KLHL34: variants seen among roughly 807,000 people sequenced by gnomAD.
The protein encoded by KLHL34 is kelch like family member 34, also known as kelch-like protein 34.
KLHL34 carries 24 observed loss-of-function variants against 23.8 expected under a neutral mutation model. The observed-to-expected ratio is 1.01, with a 90% CI of 0.73 to 1.42. The LOEUF is 1.42. Ranked by LOEUF, KLHL34 falls within the 40% of genes most tolerant of loss-of-function variation. KLHL34 has a pLI of 0.00. For synonymous variants in KLHL34, 303 were observed against 287.9 expected (o/e 1.05, Z -0.53); for missense variants, 652 against 595.1 (o/e 1.10, Z -0.99).
rs1174885398 is a variant in KLHL34 at position 21,657,409 on chromosome X, G to A, written c.380C>T (p.Ala127Val). 1.7e-6 allele frequency: 2 copies of A among 1,182,514 alleles called. No individual in the cohort carries two copies. The highest frequency in any genetic ancestry group is 1.1e-6 in the Non-Finnish European group (1 of 881,309). Residue 127 changes from alanine to valine, a missense_variant, in exon 1 of 1, where the codon GCT becomes GTT. Physicochemically the swap from Ala to Val is moderately conservative, Grantham distance 64 (BLOSUM62 0). Coordinates refer to ENST00000379499, the MANE Select transcript of KLHL34 (RefSeq NM_153270.3). ...GGCGGCGAAGCAGCAGTTCTCTGGA[G>A]CCAGCTGGCGCTCCAAGTAGCGCCC... ...LCGRYLERQL[A>V]PENCCFAANV...
chrX:21,656,073 T>G lies in KLHL34; in HGVS notation c.1716A>C (p.Thr572=). Residue 572 remains threonine (T), a synonymous_variant, in exon 1 of 1, where the codon ACA becomes ACC. Transcript: ENST00000379499. ...ACTTGAGGCCGCCCAGCAGCAACGCTGTCTCCTCGACCACGGCCAGCCCAT... is the reference window on the plus strand; with the variant it reads ...ACTTGAGGCCGCCCAGCAGCAACGCGGTCTCCTCGACCACGGCCAGCCCAT... ...FCYGLAVVEE[T]ALLLGGLKWR... 1.1e-5 allele frequency: 13 copies of G among 1,193,425 alleles called. No individual in the cohort carries two copies. The highest frequency in any genetic ancestry group is 1.5e-5 in the Non-Finnish European group (13 of 885,444).
Position 21,655,391 on chromosome X carries a change from C to T in KLHL34, c.*463G>A, listed in dbSNP as rs1372159603. On this transcript the variant is annotated 3_prime_UTR_variant, in exon 1 of 1. Coordinates refer to ENST00000379499, the MANE Select transcript of KLHL34 (RefSeq NM_153270.3). ...ACTATTTATTCAGATAATGCCATCT[C>T]CTAGGACTTAATTACAGCCTTTATA... 8.9e-6 allele frequency: 1 copy of T among 112,913 alleles called. No homozygotes were observed. The highest frequency in any genetic ancestry group is 1.8e-5 in the Non-Finnish European group (1 of 55,298). The allele number at this position is 112,913 out of a possible 1,213,427, so 9.3% of individuals were successfully genotyped here. A position where few individuals can be genotyped will look rare whatever the true frequency, so the allele number is the denominator to read the frequency against.
rs918531434 is a variant in KLHL34, at chrX:21,656,108, G to A, written c.1681C>T (p.Arg561Cys). ...WTRLRPLPYDRFCYGLAVVEE... is the reference protein window; with the variant it reads ...WTRLRPLPYDCFCYGLAVVEE... ...ACCACGGCCAGCCCATAGCAGAAGC[G>A]GTCGTAGGGCAGCGGCCGCAACCGA... Residue 561 changes from arginine to cysteine, a missense_variant, in exon 1 of 1, where the codon CGC (arginine) becomes TGC (cysteine). Coordinates refer to ENST00000379499, the MANE Select transcript of KLHL34 (RefSeq NM_153270.3). The A allele has an allele frequency of 7.6e-6, 9 of 1,179,866 alleles. No homozygotes were observed. The highest frequency in any genetic ancestry group is 1.0e-5 in the Non-Finnish European group (9 of 878,138).
At position 21,656,519 on chromosome X, in the gene KLHL34, C is replaced by T. The variant is rs1356599581; in HGVS notation, c.1270G>A (p.Gly424Ser). 1 of 1,196,018 alleles carries T rather than the reference C, an allele frequency of 8.4e-7. No individual in the cohort carries two copies. Among genetic ancestry groups the T allele is most frequent in the Non-Finnish European group, 1.1e-6 (1 of 888,781 alleles). ...ARAHFWCGAV[G>S]ERLLAVGGLG... ...CCCCCGACGGCCAGGAGCCTCTCGC[C>T]CACCGCGCCGCACCAGAAGTGGGCC... The change falls in exon 1 of 1, where the codon GGC (glycine) becomes AGC (serine). Residue 424 changes from glycine to serine, a missense_variant. Gly to Ser is a moderately conservative substitution (Grantham distance 56). Coordinates refer to ENST00000379499, the MANE Select transcript of KLHL34 (RefSeq NM_153270.3).
At position 21,656,529 on chromosome X, in the gene KLHL34, G is replaced by T. The variant is rs769901390; in HGVS notation, c.1260C>A (p.Cys420Ter). 1 of 1,197,894 alleles carries T rather than the reference G, an allele frequency of 8.3e-7. No individual in the cohort carries two copies. Among genetic ancestry groups the T allele is most frequent in the Non-Finnish European group, 1.1e-6 (1 of 889,245 alleles). ...CCAGGAGCCTCTCGCCCACCGCGCC[G>T]CACCAGAAGTGGGCCCGCGCTTCCC... ...AMREARAHFW[C>*]GAVGERLLAV... The change falls in exon 1 of 1, where the codon TGC (cysteine) becomes TGA (stop). Residue 420 changes from cysteine to a stop codon, truncating the protein, a stop_gained. Transcript: ENST00000379499. LOFTEE classifies it high-confidence loss of function.
chrX:21,657,886 C>A lies in KLHL34; in HGVS notation c.-98G>T. 1 of 1,120,839 alleles carries A rather than the reference C, an allele frequency of 8.9e-7. No homozygotes were observed. Among genetic ancestry groups the A allele is most frequent in the Non-Finnish European group, 1.2e-6 (1 of 850,039 alleles). The allele number at this position is 1,120,839 out of a possible 1,213,427, so 92.4% of individuals were successfully genotyped here. On this transcript the variant is annotated 5_prime_UTR_variant, in exon 1 of 1. Transcript: ENST00000379499. ...AACACTCCCGGGACCCCCGCGTAAG[C>A]CACAGAGCCCCTAGCAGGGGCCCAT...
chrX:21,658,012 G>A lies in KLHL34; in HGVS notation c.-224C>T. The A allele has an allele frequency of 2.2e-6, 1 of 445,552 alleles. No individual in the cohort carries two copies. Among genetic ancestry groups the A allele is most frequent in the Non-Finnish European group, 3.6e-6 (1 of 278,879 alleles). The allele number at this position is 445,552 out of a possible 1,213,427, so 36.7% of individuals were successfully genotyped here. The stretch of plus-strand genomic sequence containing the variant: ...ATCCAGTCTGGAAACGGTTTTCGGA[G>A]GCCCCTAGTAACGGAGGGCGCGGAA... On this transcript the variant is annotated 5_prime_UTR_variant, in exon 1 of 1. Transcript: ENST00000379499.
Position 21,656,564 on chromosome X carries a change from G to A in KLHL34, c.1225C>T (p.Pro409Ser), listed in dbSNP as rs1229529313. Residue 409 changes from proline to serine, a missense_variant, in exon 1 of 1, where the codon CCC (proline) becomes TCC (serine). Pro to Ser is a moderately conservative substitution (Grantham distance 74). Transcript: ENST00000379499. ...DPRFHAWTEV[P>S]AMREARAHFW... Reference sequence around the variant, plus strand: ...TGGGCCCGCGCTTCCCGCATGGCGGGCACTTCCGTCCAAGCGTGGAAGCGC... The same window carrying A: ...TGGGCCCGCGCTTCCCGCATGGCGGACACTTCCGTCCAAGCGTGGAAGCGC... 4.2e-6 allele frequency: 5 copies of A among 1,199,623 alleles called. No homozygotes were observed. Among genetic ancestry groups the A allele is most frequent in the East Asian group, 3.0e-5 (1 of 33,188 alleles).
In KLHL34 at chrX:21,655,162, A is replaced by C. The variant is rs1485360031; in HGVS notation, c.*692T>G. The C allele has an allele frequency of 9.0e-6, 1 of 111,295 alleles. No individual in the cohort carries two copies. The highest frequency in any genetic ancestry group is 1.9e-5 in the Non-Finnish European group (1 of 53,109). The allele number at this position is 111,295 out of a possible 1,213,427, so 9.2% of individuals were successfully genotyped here. ...GTGAGCTGTCTAAAGTCAGGGCAAA[A>C]GCAGCCTAGGGTGACACCGGTGACA... On this transcript the variant is annotated 3_prime_UTR_variant, in exon 1 of 1. Coordinates refer to ENST00000379499, the MANE Select transcript of KLHL34 (RefSeq NM_153270.3).
At position 21,656,463 on chromosome X, in the gene KLHL34, C is replaced by T; in HGVS notation, c.1326G>A (p.Ser442=). 2 of 1,195,753 alleles carry T rather than the reference C, an allele frequency of 1.7e-6. No homozygotes were observed. The highest frequency in any genetic ancestry group is 2.2e-6 in the Non-Finnish European group (2 of 889,042). Reference sequence around the variant, plus strand: ...CCCGACGCAGGTCGTACATCTCCACCGAGGCCAGCACCTCACCGCCCGCAC... The same window carrying T: ...CCCGACGCAGGTCGTACATCTCCACTGAGGCCAGCACCTCACCGCCCGCAC... ...GLGAGGEVLA[S]VEMYDLRRDR... The change falls in exon 1 of 1, where the codon TCG becomes TCA. Residue 442 remains serine, a synonymous_variant. Coordinates refer to ENST00000379499, the MANE Select transcript of KLHL34 (RefSeq NM_153270.3).
Position 21,656,272 on chromosome X carries a change from C to A in KLHL34, c.1517G>T (p.Trp506Leu). The A allele has an allele frequency of 8.3e-7, 1 of 1,203,647 alleles. No individual in the cohort carries two copies. Among genetic ancestry groups the A allele is most frequent in the Non-Finnish European group, 1.1e-6 (1 of 891,693 alleles). The stretch of plus-strand genomic sequence containing the variant: ...GGTGCCCATGGGTGCCTTCTTGCTC[C>A]AAACCTGCTCCTCAGGGCCCAGGAC... ...LYVLGPEEQVWSKKAPMGTAR... is the reference protein window; with the variant it reads ...LYVLGPEEQVLSKKAPMGTAR... The change falls in exon 1 of 1, where the codon TGG becomes TTG. Residue 506 changes from tryptophan (W) to leucine (L), a missense_variant. By Grantham distance (61) the Trp-to-Leu change is moderately conservative (BLOSUM62 -2). Coordinates refer to ENST00000379499, the MANE Select transcript of KLHL34 (RefSeq NM_153270.3).
In KLHL34 at chrX:21,657,596, A is replaced by G. The variant is rs2092735372; in HGVS notation, c.193T>C (p.Ser65Pro). The change falls in exon 1 of 1, where the codon TCC (serine) becomes CCC (proline). Residue 65 changes from serine (S) to proline (P), a missense_variant. By Grantham distance (74) the Ser-to-Pro change is moderately conservative. Coordinates refer to ENST00000379499, the MANE Select transcript of KLHL34 (RefSeq NM_153270.3). ...RALFKSHTQE[S>P]RARVIHLHVP... Reference sequence around the variant, plus strand: ...TGCAGGTGGATCACGCGCGCCCGGGATTCCTGGGTGTGGCTCTTGAACAGG... The same window carrying G: ...TGCAGGTGGATCACGCGCGCCCGGGGTTCCTGGGTGTGGCTCTTGAACAGG... 8.3e-7 allele frequency: 1 copy of G among 1,208,971 alleles called. No individual in the cohort carries two copies. The highest frequency in any genetic ancestry group is 1.7e-5 in the African/African-American group (1 of 57,349).
In KLHL34 at chrX:21,656,408, G is replaced by C; in HGVS notation, c.1381C>G (p.Arg461Gly). Reference sequence around the variant, plus strand: ...GCCCCCGCGTGACCGTGCAGAGCCCGCGGTAGTGCCCCAGCCGCCGTCCAG... The same window carrying C: ...GCCCCCGCGTGACCGTGCAGAGCCCCCGGTAGTGCCCCAGCCGCCGTCCAG... ...DRWTAAGALP[R>G]ALHGHAGAVG... Residue 461 changes from arginine to glycine, a missense_variant, in exon 1 of 1, where the codon CGG (arginine) becomes GGG (glycine). Transcript: ENST00000379499. The C allele has an allele frequency of 8.4e-7, 1 of 1,193,540 alleles. No homozygotes were observed. The highest frequency in any genetic ancestry group is 1.1e-6 in the Non-Finnish European group (1 of 887,906).
Position 21,657,237 on chromosome X carries a change from A to T in KLHL34, c.552T>A (p.Gly184=), listed in dbSNP as rs774964234. 4 of 1,187,355 alleles carry T rather than the reference A, an allele frequency of 3.4e-6. No individual in the cohort carries two copies. The Admixed American group carries it at 9.2e-5, about 27-fold the overall frequency. The change falls in exon 1 of 1, where the codon GGT becomes GGA. Residue 184 remains glycine, a synonymous_variant. Transcript: ENST00000379499. The stretch of plus-strand genomic sequence containing the variant: ...CGGGCACCCGCGCCACGTCGGGGGC[A>T]CCCAGTACAGCCCTCAGCGATGTAG... The part of the protein sequence containing the change: ...LNPTSLRAVL[G]APDVARVPEA...
Position 21,656,589 on chromosome X carries a change from C to A in KLHL34, c.1200G>T (p.Pro400=). The change falls in exon 1 of 1, where the codon CCG becomes CCT. Residue 400 remains proline (P), a synonymous_variant. Transcript: ENST00000379499. ...VVTAQVHRYD[P]RFHAWTEVPA... is the part of the protein sequence containing the mutation. ...GCACTTCCGTCCAAGCGTGGAAGCGCGGGTCGTAACGGTGCACTTGGGCCG... is the reference window on the plus strand; with the variant it reads ...GCACTTCCGTCCAAGCGTGGAAGCGAGGGTCGTAACGGTGCACTTGGGCCG... 1 of 1,204,176 alleles carries A rather than the reference C, an allele frequency of 8.3e-7. No individual in the cohort carries two copies. Among genetic ancestry groups the A allele is most frequent in the South Asian group, 1.8e-5 (1 of 55,611 alleles).
At position 21,656,427 on chromosome X, in the gene KLHL34, C is replaced by G; in HGVS notation, c.1362G>C (p.Thr454=). 8.4e-7 allele frequency: 1 copy of G among 1,194,443 alleles called. No homozygotes were observed. The highest frequency in any genetic ancestry group is 1.1e-6 in the Non-Finnish European group (1 of 888,064). Residue 454 remains threonine, a synonymous_variant, in exon 1 of 1, where the codon ACG becomes ACC. Transcript: ENST00000379499. ...EMYDLRRDRW[T]AAGALPRALH... is the part of the protein sequence containing the mutation. ...GAGCCCGCGGTAGTGCCCCAGCCGC[C>G]GTCCAGCGGTCCCGACGCAGGTCGT...
chrX:21,656,777 C>T lies in KLHL34; in HGVS notation c.1012G>A (p.Ala338Thr), dbSNP rs746097446. The T allele has an allele frequency of 7.5e-6, 9 of 1,193,929 alleles. No homozygotes were observed. The South Asian group carries it at 1.7e-4, about 22-fold the overall frequency. ...CAGCGGTGATTGTACACATCGAAGG[C>T]CACCACGTTCTGGGTGAGCTCCCAC... is the stretch of plus-strand genomic sequence containing the variant. Reference protein sequence around the residue: ...EEWELTQNVVAFDVYNHRWRS... With the variant: ...EEWELTQNVVTFDVYNHRWRS... The change falls in exon 1 of 1, where the codon GCC (alanine) becomes ACC (threonine). Residue 338 changes from alanine to threonine, a missense_variant. Ala to Thr is a moderately conservative substitution (Grantham distance 58, BLOSUM62 0). Coordinates refer to ENST00000379499, the MANE Select transcript of KLHL34 (RefSeq NM_153270.3).
rs369891145 is a variant in KLHL34, at chrX:21,657,070, G to C, written c.719C>G (p.Ser240Cys). The part of the protein sequence containing the change: ...ADVLRRVYSG[S>C]GLVLPARVKG... ...GACCCGGGCGGGCAGCACGAGGCCAGAGCCCGAGTACACGCGCCGCAGTAC... is the reference window on the plus strand; with the variant it reads ...GACCCGGGCGGGCAGCACGAGGCCACAGCCCGAGTACACGCGCCGCAGTAC... The change falls in exon 1 of 1, where the codon TCT becomes TGT. Residue 240 changes from serine to cysteine, a missense_variant. Physicochemically the swap from Ser to Cys is moderately radical, Grantham distance 112 (BLOSUM62 -1). Coordinates refer to ENST00000379499, the MANE Select transcript of KLHL34 (RefSeq NM_153270.3). 6 of 1,198,258 alleles carry C rather than the reference G, an allele frequency of 5.0e-6. No individual in the cohort carries two copies. The East Asian group carries it at 8.9e-5, about 18-fold the overall frequency.
rs756728287 is a variant in KLHL34 at position 21,657,288 on chromosome X, G to GCCCGCGC, written c.494_500dup (p.Pro168ArgfsTer46). ...GGTTGAGCTCCAGGAGTCCCGCGGG[G>GCCCGCGC]CCCGCGCCCCGCGCCAGCAGCTCCT... is the stretch of plus-strand genomic sequence containing the variant. On this transcript the variant is annotated frameshift_variant, in exon 1 of 1. Transcript: ENST00000379499. LOFTEE classifies it high-confidence loss of function. 4 of 1,152,174 alleles carry GCCCGCGC rather than the reference G, an allele frequency of 3.5e-6. No homozygotes were observed. The highest frequency in any genetic ancestry group is 4.6e-6 in the Non-Finnish European group (4 of 869,267). 95.0% of individuals were successfully genotyped at this position (1,152,174 alleles called of 1,213,427 possible).
Sources: gnomAD v4.1 joint callset for allele counts on GRCh38, gnomAD v4.1.1 for gene constraint, MANE v1.5 for transcripts, NCBI Gene and HGNC (gene_info 2026-07-23, HGNC 2026-07-21) for gene names.